Variants in GABRG3 observed in about 807,000 individuals in gnomAD.
The protein encoded by GABRG3 is gamma-aminobutyric acid type A receptor subunit gamma3.
A neutral mutation model predicts 48.8 loss-of-function variants in GABRG3; 25 were observed. That is an observed-to-expected ratio of 0.51 (90% CI 0.37 to 0.72). GABRG3 has a LOEUF of 0.72. Ranked by LOEUF, GABRG3 falls within the 30% of genes least tolerant of loss-of-function variation. The probability of loss-of-function intolerance (pLI) is 0.00; values close to 1 mark genes in which losing one functional copy is unlikely to be tolerated. For missense variants in GABRG3, 394 were observed against 577.9 expected, an observed-to-expected ratio of 0.68 and a Z score of 3.26; for synonymous variants, 227 against 217.6, an observed-to-expected ratio of 1.04 and a Z score of -0.38.
chr15:27,005,236 C>T (rs565931928), intron 2 of GABRG3, among the ~76,000 whole-genome samples: 3 of 152,058 alleles, frequency 2.0e-5, no homozygotes, highest in African/African-American at 7.2e-5. Context: ...GAGTCTCTCT[C>T]TGTCGCCAGG....
At chr15:27,011,601 A>G (rs1895687757) in intron 2 of GABRG3, among the ~76,000 whole-genome samples, 1 of 152,150 alleles carries the variant, frequency 6.6e-6, no homozygotes. Flanking sequence ...TAATCCCAGC[A>G]CTTTGGGAGG....
intron 4 of GABRG3, 85 bp from the exon 5 acceptor site, chr15:27,328,721 C>A: frequency 9.0e-7 from 1 of 1,109,404 alleles, no homozygotes; most frequent in Non-Finnish European, 1.4e-6. Context: ...ACGGCCCTCT[C>A]CATCCCCACA....
At chr15:27,046,147 G>A (rs57503094) in intron 3 of GABRG3, among the ~76,000 whole-genome samples, 1 of 151,904 alleles carries the variant, frequency 6.6e-6, no homozygotes, top group African/African-American at 2.4e-5. Context: ...AGGCTGGAGT[G>A]CAATGGCACG....
At chr15:27,102,751 G>C (rs7170956) in intron 3 of GABRG3, among the ~76,000 whole-genome samples, 1 of 152,120 alleles carries the variant, frequency 6.6e-6, no homozygotes, top group Non-Finnish European at 1.5e-5. Context: ...GTACTAACAA[G>C]TAAATAGATT....
chr15:27,316,860 C>T (rs980043948), intron 3 of GABRG3, among the ~76,000 whole-genome samples: 23 of 151,962 alleles, frequency 1.5e-4, no homozygotes, highest in Admixed American at 5.9e-4. Context: ...TTTCAGTTTC[C>T]AAATTAAATG....
In GABRG3 at chr15:27,046,225, C is replaced by A. The variant is rs376545377; in HGVS notation, c.270+19404C>A. Among the ~76,000 whole-genome samples, 80 of 151,940 alleles carry A rather than the reference C, an allele frequency of 5.3e-4. 1 individual carries two copies. In the East Asian group the frequency reaches 0.013, roughly 25 times the overall value. ...TCTCCTGCCCCAGCCTCCCGAGTAG[C>A]TGGGATTACAGGCATGCACCACCAT... On this transcript the variant is annotated intron_variant, in intron 3 of 9. Transcript: ENST00000615808.
At chr15:27,403,912 AACAAAAAAAAAAAAAAC>A (rs904526486) in intron 5 of GABRG3, among the ~76,000 whole-genome samples, 16 of 125,134 alleles carry the variant, frequency 1.3e-4, no homozygotes, top group African/African-American at 4.6e-4. Flanking sequence ...CTCAAAAAAA[AACAAAAAAAAAAAAAAC>A]AAAAAAAAAA....
chr15:27,261,098 TTTAA>T (rs1184950449), intron 3 of GABRG3, among the ~76,000 whole-genome samples: 3 of 152,128 alleles, frequency 2.0e-5, no homozygotes, highest in Admixed American at 6.5e-5. Context: ...ATACGCAAAC[TTTAA>T]TTATGTTTAT....
intron 3 of GABRG3, among the ~76,000 whole-genome samples, chr15:27,218,099 C>T (rs969908990): frequency 6.6e-6 from 1 of 152,184 alleles, no homozygotes; most frequent in Admixed American, 6.5e-5. Flanking sequence ...AGCCTCCACC[C>T]TCCAGCCTCA....
At chr15:26,998,690 G>T (rs1193740226) in intron 2 of GABRG3, among the ~76,000 whole-genome samples, 1 of 152,194 alleles carries the variant, frequency 6.6e-6, no homozygotes, top group Admixed American at 6.5e-5. Context: ...TCCCCTTCTA[G>T]AGTGAAATCA....
chr15:27,164,995 G>T lies in GABRG3; in HGVS notation c.270+138174G>T, dbSNP rs74004712. Among the ~76,000 whole-genome samples the T allele has an allele frequency of 2.8e-3, 426 of 152,230 alleles. 1 individual carries two copies. Among genetic ancestry groups the T allele is most frequent in the African/African-American group, 9.8e-3 (408 of 41,546 alleles). On this transcript the variant is annotated intron_variant, in intron 3 of 9. Coordinates refer to ENST00000615808, the MANE Select transcript of GABRG3 (RefSeq NM_033223.5). ...CAGATCAGTAATCAATCTTGGATAA[G>T]AACTTTTTTCAAACCATTCATATAA...
At chr15:27,308,041 A>G (rs912154366) in intron 3 of GABRG3, among the ~76,000 whole-genome samples, 1 of 136,904 alleles carries the variant, frequency 7.3e-6, no homozygotes. Context: ...TTATATGTAA[A>G]TGTATATAAT....
intron 3 of GABRG3, among the ~76,000 whole-genome samples, chr15:27,248,803 C>CACACACACACACACACAGAGAGAG (rs1377080195): frequency 9.1e-6 from 1 of 110,176 alleles, no homozygotes; most frequent in South Asian, 3.4e-4. Context: ...CACACACACA[C>CACACACACACACACACAGAGAGAG]AGAGAGAGAG....
chr15:27,008,584 G>A (rs1238276185), intron 2 of GABRG3, among the ~76,000 whole-genome samples: 2 of 152,016 alleles, frequency 1.3e-5, no homozygotes, highest in Non-Finnish European at 2.9e-5. Context: ...AATTAATCTG[G>A]CTGTTTTCTT....
chr15:27,053,984 G>T (rs76645943), intron 3 of GABRG3, among the ~76,000 whole-genome samples: 1 of 152,188 alleles, frequency 6.6e-6, no homozygotes, highest in Non-Finnish European at 1.5e-5. Context: ...GGGAGGGGCC[G>T]GGTGTGGCGG....
intron 5 of GABRG3, among the ~76,000 whole-genome samples, chr15:27,331,775 T>A (rs1276612318): frequency 3.3e-5 from 5 of 152,194 alleles, no homozygotes; most frequent in African/African-American, 7.2e-5. Context: ...TGGTGGGGGA[T>A]GTTGACAGTT....
At chr15:27,037,331 T>C (rs1221033155) in intron 3 of GABRG3, among the ~76,000 whole-genome samples, 1 of 152,264 alleles carries the variant, frequency 6.6e-6, no homozygotes, top group East Asian at 1.9e-4. Flanking sequence ...TCTGTAAGAA[T>C]TGAAGAAACA....
intron 3 of GABRG3, among the ~76,000 whole-genome samples, chr15:27,134,540 A>G (rs1428459330): frequency 6.6e-6 from 1 of 152,104 alleles, no homozygotes; most frequent in Non-Finnish European, 1.5e-5. Flanking sequence ...TCTACCTAGC[A>G]CTGCTGAGGC....
intron 5 of GABRG3, among the ~76,000 whole-genome samples, chr15:27,404,040 T>G (rs963978661): frequency 9.3e-5 from 14 of 150,558 alleles, no homozygotes; most frequent in South Asian, 2.1e-4. Flanking sequence ...GCTAACATGG[T>G]GAAACCCCGT....
Sources: gnomAD v4.1 joint callset for allele counts (sites outside exome capture counted in the v4.1 genomes callset) on GRCh38, gnomAD v4.1.1 for gene constraint, MANE v1.5 for transcripts, NCBI Gene and HGNC (gene_info 2026-07-23, HGNC 2026-07-21) for gene names.